The following POLR3GL variants were observed in gnomAD, a reference collection of about 807,000 sequenced individuals.
POLR3GL encodes RNA polymerase III subunit GL, also known as DNA-directed RNA polymerase III subunit RPC7-like.
POLR3GL carries 26 observed loss-of-function variants against 32.4 expected under a neutral mutation model. The ratio of observed to expected loss-of-function variants is 0.80; its 90% CI spans 0.59 to 1.11. The LOEUF (loss-of-function observed/expected upper bound fraction) is 1.11. Ranked by LOEUF, POLR3GL falls within the 50% of genes most tolerant of loss-of-function variation. POLR3GL has a pLI of 0.00. For synonymous variants in POLR3GL, 95 were observed against 98.7 expected, an observed-to-expected ratio of 0.96 and a Z score of 0.22; for missense variants, 229 against 280.1, an observed-to-expected ratio of 0.82 and a Z score of 1.30.
At chr1:145,977,639 C>A in intron 5 of POLR3GL, 100 bp downstream of exon 5, 1 of 1,321,558 alleles carries the variant, frequency 7.6e-7, no homozygotes, top group Non-Finnish European at 1.1e-6. Context: ...AGTTCCTATA[C>A]CCAATCTACC....
At position 145,978,723 on chromosome 1, in the gene POLR3GL, G is replaced by T; in HGVS notation, c.*276G>T. 2.3e-6 allele frequency: 1 copy of T among 442,418 alleles called. No individual in the cohort carries two copies. Among genetic ancestry groups the T allele is most frequent in the Non-Finnish European group, 4.0e-6 (1 of 247,078 alleles). The allele number at this position is 442,418 out of a possible 1,614,324, so 27.4% of individuals were successfully genotyped here. ...TGAAAGAAGAACTGGGGTTGTTAGAGCTGAGATGACTGTACACATACCCCT... is the reference window on the plus strand; with the variant it reads ...TGAAAGAAGAACTGGGGTTGTTAGATCTGAGATGACTGTACACATACCCCT... On this transcript the variant is annotated 3_prime_UTR_variant, in exon 8 of 8. Transcript: ENST00000369314.
chr1:145,966,150 G>C (rs1553762031), intron 1 of POLR3GL, among the ~76,000 whole-genome samples: 1 of 140,720 alleles, frequency 7.1e-6, no homozygotes, highest in Admixed American at 7.2e-5. Flanking sequence ...AAGGAAATCT[G>C]TCCTTTTACA....
chr1:145,978,220 T>A, intron 7 of POLR3GL, 124 bp downstream of exon 7: 1 of 1,384,234 alleles, frequency 7.2e-7, no homozygotes, highest in East Asian at 2.4e-5. Flanking sequence ...TTCTCTCTAC[T>A]TCATCTGCCC....
At chr1:145,973,583 A>C (rs1553762977) in intron 1 of POLR3GL, among the ~76,000 whole-genome samples, 3 of 152,034 alleles carry the variant, frequency 2.0e-5, no homozygotes, top group Non-Finnish European at 4.4e-5. Context: ...TTGGTGGCAC[A>C]TGCCTGTAGT....
intron 4 of POLR3GL, among the ~76,000 whole-genome samples, 165 bp downstream of exon 4, chr1:145,977,317 A>G (rs587715201): frequency 4.6e-5 from 7 of 152,280 alleles, no homozygotes; most frequent in Non-Finnish European, 8.8e-5. Flanking sequence ...TGAAAAAGCT[A>G]TTAAATAGTT....
At chr1:145,977,180 C>T (rs782238464) in intron 4 of POLR3GL, 28 bp downstream of exon 4, 20 of 1,580,354 alleles carry the variant, frequency 1.3e-5, no homozygotes, top group Non-Finnish European at 1.7e-5. Flanking sequence ...TCATTGACTG[C>T]CCTTCTTTCA....
intron 1 of POLR3GL, among the ~76,000 whole-genome samples, chr1:145,966,797 AT>A (rs1233845331): frequency 3.3e-5 from 5 of 151,632 alleles, no homozygotes; most frequent in Admixed American, 1.3e-4. Context: ...CAAAAAAAAA[AT>A]AATAAAATAA....
chr1:145,975,814 G>A (rs138400618), intron 3 of POLR3GL, among the ~76,000 whole-genome samples: 125 of 152,258 alleles, frequency 8.2e-4, no homozygotes, highest in South Asian at 2.3e-3. Flanking sequence ...TGGGATTACA[G>A]GCATGAGCCA....
At chr1:145,964,833 T>C (rs1203102994) in intron 1 of POLR3GL, 65 bp downstream of exon 1, 1 of 152,416 alleles carries the variant, frequency 6.6e-6, no homozygotes. Flanking sequence ...GGCTGCGAAA[T>C]AGACAACGCT....
chr1:145,966,141 A>AAG (rs1650014645), intron 1 of POLR3GL, among the ~76,000 whole-genome samples: 1 of 148,260 alleles, frequency 6.7e-6, no homozygotes. Flanking sequence ...AAAAAAAAAA[A>AAG]GGAAATCTGT....
chr1:145,973,466 C>A (rs587709092), intron 1 of POLR3GL, among the ~76,000 whole-genome samples: 3 of 152,246 alleles, frequency 2.0e-5, no homozygotes, highest in Admixed American at 2.0e-4. Context: ...AATCCCAGCA[C>A]TTTGGGAAGC....
chr1:145,978,305 C>T (rs1023360506), intron 7 of POLR3GL, 56 bp from the exon 8 acceptor site: 4 of 1,384,348 alleles, frequency 2.9e-6, no homozygotes, highest in Non-Finnish European at 4.1e-6. Context: ...GGGTCTGGTA[C>T]ACAGGAAGGA....
intron 7 of POLR3GL, 131 bp downstream of exon 7, chr1:145,978,227 G>GC (rs1297621266): frequency 5.2e-6 from 7 of 1,355,758 alleles, no homozygotes; most frequent in Non-Finnish European, 7.1e-6. Context: ...TACTTCATCT[G>GC]CCCCCCTTCT....
intron 1 of POLR3GL, among the ~76,000 whole-genome samples, chr1:145,971,381 A>C (rs1650286433): frequency 6.6e-6 from 1 of 151,320 alleles, no homozygotes; most frequent in South Asian, 2.1e-4. Context: ...GGCTCCTCTT[A>C]AGTGTGACGG....
At chr1:145,976,590 G>A (rs1377266345) in intron 3 of POLR3GL, among the ~76,000 whole-genome samples, 15 of 133,222 alleles carry the variant, frequency 1.1e-4, no homozygotes, top group African/African-American at 4.3e-4. Context: ...AAAAAAAATC[G>A]TAATTTTGGG....
At chr1:145,973,610 G>A (rs1250387318) in intron 1 of POLR3GL, among the ~76,000 whole-genome samples, 2 of 152,042 alleles carry the variant, frequency 1.3e-5, no homozygotes, top group Non-Finnish European at 2.9e-5. Flanking sequence ...TACTCAGGAA[G>A]CTGAGGCAGG....
chr1:145,970,356 G>A (rs897853189), intron 1 of POLR3GL, among the ~76,000 whole-genome samples: 4 of 152,040 alleles, frequency 2.6e-5, no homozygotes, highest in South Asian at 2.1e-4. Flanking sequence ...ATGTTGCCCC[G>A]GCTGGTCTCA....
At chr1:145,969,002 G>A (rs1553762294) in intron 1 of POLR3GL, among the ~76,000 whole-genome samples, 1 of 151,988 alleles carries the variant, frequency 6.6e-6, no homozygotes, top group Non-Finnish European at 1.5e-5. Context: ...TGGCAGTTGG[G>A]CTTGAAACTT....
chr1:145,975,106 C>A, intron 2 of POLR3GL, 115 bp downstream of exon 2: 2 of 1,356,662 alleles, frequency 1.5e-6, no homozygotes, highest in African/African-American at 1.5e-5. Context: ...TCTCTCTATA[C>A]TCCCAATGCA....
Sources: allele counts gnomAD v4.1 joint callset (sites outside exome capture counted in the v4.1 genomes callset), GRCh38; gene constraint gnomAD v4.1.1; transcripts MANE v1.5; gene names NCBI Gene and HGNC (gene_info 2026-07-23, HGNC 2026-07-21).